Variants in ACER3 observed in about 807,000 individuals in gnomAD.
ACER3 encodes alkaline ceramidase 3.
ACER3 carries 16 observed loss-of-function variants against 48.9 expected under a neutral mutation model. That is an observed-to-expected ratio of 0.33 (90% CI 0.22 to 0.50). The LOEUF is 0.50. Among genes scored for constraint, ACER3 ranks in the 20% least tolerant of loss-of-function variants. ACER3 has a pLI of 0.98. For synonymous variants in ACER3, 109 were observed against 107.8 expected, an observed-to-expected ratio of 1.01 and a Z score of -0.07; for missense variants, 227 against 326.0, an observed-to-expected ratio of 0.70 and a Z score of 2.34.
At chr11:76,976,388 A>G (rs756279487) in intron 4 of ACER3, 47 bp downstream of exon 4, 8 of 1,199,356 alleles carry the variant, frequency 6.7e-6, no homozygotes, top group Admixed American at 2.0e-5. Context: ...TTAAATTTAT[A>G]TTTACCTCAT....
chr11:76,908,613 GA>G (rs1946294444), intron 1 of ACER3, among the ~76,000 whole-genome samples: 1 of 152,062 alleles, frequency 6.6e-6, no homozygotes, highest in Admixed American at 6.5e-5. Flanking sequence ...CAAACAAATG[GA>G]AAAACATTCC....
At position 76,993,217 on chromosome 11, in the gene ACER3, G is replaced by A. The variant is rs1483656694; in HGVS notation, c.438+2643G>A. Among the ~76,000 whole-genome samples, 4 of 152,214 alleles carry A rather than the reference G, an allele frequency of 2.6e-5. No individual in the cohort carries two copies. The East Asian group carries it at 7.7e-4, about 29-fold the overall frequency. The stretch of plus-strand genomic sequence containing the variant: ...AAGTGCCTTCAATGTTCCAGACACT[G>A]TACTAGGCACAAGAGATACATATAC... On this transcript the variant is annotated intron_variant, in intron 6 of 10. Transcript: ENST00000532485.
At chr11:76,912,308 G>A (rs1254831437) in intron 1 of ACER3, among the ~76,000 whole-genome samples, 1 of 152,162 alleles carries the variant, frequency 6.6e-6, no homozygotes, top group Admixed American at 6.6e-5. Context: ...AGGGGCTCTA[G>A]AAGGAACCAC....
intron 1 of ACER3, among the ~76,000 whole-genome samples, chr11:76,876,656 A>G (rs2134556260): frequency 6.6e-6 from 1 of 152,308 alleles, no homozygotes; most frequent in Non-Finnish European, 1.5e-5. Context: ...TGGTTGTACC[A>G]TTTTACACAC....
rs143731169 is a variant in ACER3, at chr11:76,915,598, C to T, written c.104-10959C>T. On this transcript the variant is annotated intron_variant, in intron 1 of 10. Transcript: ENST00000532485. Reference sequence around the variant, plus strand: ...TAGTGGGTGGGGGGAGAGCCCTCCCCGGCCTCACTCATGCCTAACTACCTG... The same window carrying T: ...TAGTGGGTGGGGGGAGAGCCCTCCCTGGCCTCACTCATGCCTAACTACCTG... Among the ~76,000 whole-genome samples the T allele has an allele frequency of 6.6e-4, 100 of 152,328 alleles. 1 individual carries two copies. Among genetic ancestry groups the T allele is most frequent in the African/African-American group, 2.2e-3 (90 of 41,568 alleles).
chr11:77,014,859 A>G (rs992064568), intron 7 of ACER3, among the ~76,000 whole-genome samples, 157 bp from the exon 8 acceptor site: 1 of 152,214 alleles, frequency 6.6e-6, no homozygotes, highest in African/African-American at 2.4e-5. Context: ...GCTGGAATGT[A>G]CAATGATCAC....
intron 2 of ACER3, chr11:76,955,608 C>T (rs907778160): frequency 4.6e-5 from 7 of 152,192 alleles, no homozygotes; most frequent in African/African-American, 1.7e-4. Context: ...AAGAAGCAAG[C>T]TTCAGTGTCT....
At chr11:76,956,838 T>G (rs1947854693) in intron 2 of ACER3, among the ~76,000 whole-genome samples, 1 of 152,160 alleles carries the variant, frequency 6.6e-6, no homozygotes, top group Non-Finnish European at 1.5e-5. Flanking sequence ...CACTTCCTTA[T>G]TTCTCTAATG....
At chr11:76,955,556 G>T (rs1947817495) in intron 2 of ACER3, 1 of 152,328 alleles carries the variant, frequency 6.6e-6, no homozygotes, top group African/African-American at 2.4e-5. Context: ...CTTTCTTGCT[G>T]TGTCTCACAT....
intron 1 of ACER3, among the ~76,000 whole-genome samples, chr11:76,864,620 G>C (rs1205113508): frequency 6.5e-5 from 2 of 30,660 alleles, no homozygotes; most frequent in Middle Eastern, 0.028. Context: ...TTTTTTTTGA[G>C]GTAGAGTCTC....
chr11:76,875,133 T>TTTTTTG (rs1490255598), intron 1 of ACER3, among the ~76,000 whole-genome samples: 2 of 141,302 alleles, frequency 1.4e-5, no homozygotes, highest in Non-Finnish European at 3.0e-5. Context: ...TTTTTTTTTT[T>TTTTTTG]AGATGGAATC....
chr11:76,994,326 C>T (rs577752347), intron 6 of ACER3: 101 of 367,806 alleles, frequency 2.7e-4, no homozygotes, highest in Non-Finnish European at 5.1e-4. Context: ...AACGGGGTAT[C>T]GCCATGTTGG....
chr11:76,888,610 G>A (rs1370485167), intron 1 of ACER3, among the ~76,000 whole-genome samples: 6 of 152,180 alleles, frequency 3.9e-5, no homozygotes, highest in Admixed American at 2.0e-4. Context: ...GTTTCTTGTT[G>A]GCTTTTGGAT....
chr11:76,998,090 G>A (rs1339237171), intron 6 of ACER3, among the ~76,000 whole-genome samples: 3 of 152,114 alleles, frequency 2.0e-5, no homozygotes, highest in Non-Finnish European at 2.9e-5. Flanking sequence ...TCTTGACCTG[G>A]GTGGTGCTTT....
At chr11:76,870,298 CTATT>C (rs1945209878) in intron 1 of ACER3, among the ~76,000 whole-genome samples, 2 of 149,242 alleles carry the variant, frequency 1.3e-5, no homozygotes, top group Admixed American at 1.3e-4. Context: ...CCACACCTGT[CTATT>C]TTTTTTATTT....
intron 1 of ACER3, among the ~76,000 whole-genome samples, chr11:76,865,991 GTTTTTTT>G (rs201031925): frequency 7.8e-6 from 1 of 128,242 alleles, no homozygotes; most frequent in Non-Finnish European, 1.7e-5. Context: ...TTTGTTTTTT[GTTTTTTT>G]TTTTTTTGGT....
chr11:76,923,789 A>T (rs545236331), intron 1 of ACER3, among the ~76,000 whole-genome samples: 2 of 152,034 alleles, frequency 1.3e-5, no homozygotes, highest in Non-Finnish European at 2.9e-5. Context: ...AAATTTTACC[A>T]TTTCAGCTTT....
At chr11:76,937,705 G>C (rs1947227425) in intron 2 of ACER3, among the ~76,000 whole-genome samples, 1 of 152,100 alleles carries the variant, frequency 6.6e-6, no homozygotes, top group South Asian at 2.1e-4. Flanking sequence ...TCTACTGCAG[G>C]GGGTGGATAG....
intron 1 of ACER3, among the ~76,000 whole-genome samples, chr11:76,890,373 A>G (rs1334877018): frequency 6.6e-6 from 1 of 152,206 alleles, no homozygotes; most frequent in African/African-American, 2.4e-5. Context: ...TCTAATATAG[A>G]TTAAGTTCTC....
Sources: gnomAD v4.1 joint callset for allele counts (sites outside exome capture counted in the v4.1 genomes callset) on GRCh38, gnomAD v4.1.1 for gene constraint, MANE v1.5 for transcripts, NCBI Gene and HGNC (gene_info 2026-07-23, HGNC 2026-07-21) for gene names.